Variants in CTDSPL2 observed in about 807,000 individuals in gnomAD.
CTDSPL2 encodes CTD small phosphatase like 2.
In CTDSPL2, 5 loss-of-function variants were observed where a neutral mutation model predicts 60.0. The observed-to-expected ratio is 0.08, with a 90% CI of 0.04 to 0.18. The LOEUF (loss-of-function observed/expected upper bound fraction) is 0.18, where lower values mean the gene tolerates loss of function less well. CTDSPL2 is among the 10% of genes least tolerant of loss of function. The pLI is 1.00. For missense variants in CTDSPL2, 370 were observed against 548.8 expected (o/e 0.67, Z 3.26); for synonymous variants, 186 against 189.3 (o/e 0.98, Z 0.14).
intron 2 of CTDSPL2, among the ~76,000 whole-genome samples, chr15:44,470,976 G>A (rs2080797971): frequency 6.6e-6 from 1 of 151,884 alleles, no homozygotes; most frequent in South Asian, 2.1e-4. Context: ...CCTGTTCAAA[G>A]TGTTTGTTTT....
chr15:44,481,284 C>G (rs1490955008), intron 2 of CTDSPL2, among the ~76,000 whole-genome samples: 1 of 152,204 alleles, frequency 6.6e-6, no homozygotes, highest in Non-Finnish European at 1.5e-5. Context: ...ATAGCTTCCT[C>G]TTCCGTTTTT....
chr15:44,441,548 T>C (rs1008265156), intron 1 of CTDSPL2, among the ~76,000 whole-genome samples: 6 of 152,222 alleles, frequency 3.9e-5, no homozygotes, highest in African/African-American at 1.2e-4. Flanking sequence ...CAGCAGTTTG[T>C]TAACAATTTT....
intron 5 of CTDSPL2, among the ~76,000 whole-genome samples, chr15:44,492,753 A>G (rs1450062138): frequency 6.6e-6 from 1 of 152,248 alleles, no homozygotes. Context: ...AAAATAATAC[A>G]GAATCTAACA....
intron 12 of CTDSPL2, among the ~76,000 whole-genome samples, chr15:44,521,957 A>AAC (rs1483823444): frequency 2.7e-5 from 4 of 149,534 alleles, no homozygotes; most frequent in Non-Finnish European, 6.0e-5. Context: ...AAAAAAAAAA[A>AAC]AAAAAACATG....
chr15:44,467,844 G>A (rs781693284), intron 2 of CTDSPL2, among the ~76,000 whole-genome samples: 27 of 152,134 alleles, frequency 1.8e-4, no homozygotes, highest in Non-Finnish European at 3.2e-4. Context: ...CGAAGTGCTG[G>A]GATTACAGGC....
intron 7 of CTDSPL2, 36 bp from the exon 8 acceptor site, chr15:44,499,691 A>G: frequency 2.4e-6 from 3 of 1,235,016 alleles, no homozygotes; most frequent in South Asian, 2.6e-5. Context: ...TTCTTTTACT[A>G]TCTTGTTTCA....
At chr15:44,475,810 C>T (rs537980764) in intron 2 of CTDSPL2, among the ~76,000 whole-genome samples, 1 of 152,216 alleles carries the variant, frequency 6.6e-6, no homozygotes, top group East Asian at 1.9e-4. Context: ...AAATATGTCT[C>T]ATCTATTTAA....
chr15:44,428,498 A>G (rs1217017717), intron 1 of CTDSPL2, among the ~76,000 whole-genome samples: 4 of 152,146 alleles, frequency 2.6e-5, no homozygotes, highest in Non-Finnish European at 5.9e-5. Context: ...AATCTTGTTT[A>G]TTTACTTCTC....
At chr15:44,464,119 C>T (rs1366395811) in intron 2 of CTDSPL2, among the ~76,000 whole-genome samples, 1 of 152,154 alleles carries the variant, frequency 6.6e-6, no homozygotes, top group African/African-American at 2.4e-5. Context: ...AAGCGATTCT[C>T]CTGTCTCAGC....
At chr15:44,510,509 TG>T (rs2081548515) in intron 8 of CTDSPL2, among the ~76,000 whole-genome samples, 1 of 152,212 alleles carries the variant, frequency 6.6e-6, no homozygotes, top group Non-Finnish European at 1.5e-5. Flanking sequence ...TAAAATTATT[TG>T]TACTATAAAT....
chr15:44,497,901 G>T (rs1404092307), intron 7 of CTDSPL2, among the ~76,000 whole-genome samples: 1 of 152,032 alleles, frequency 6.6e-6, no homozygotes, highest in Non-Finnish European at 1.5e-5. Context: ...GGAGGCTGAG[G>T]CACAAGAATC....
At chr15:44,462,868 G>A (rs951115088) in intron 2 of CTDSPL2, among the ~76,000 whole-genome samples, 2 of 151,594 alleles carry the variant, frequency 1.3e-5, no homozygotes, top group Non-Finnish European at 2.9e-5. Flanking sequence ...ACCATGCCCA[G>A]CTAATTTTTG....
chr15:44,457,712 A>G (rs948245495), intron 1 of CTDSPL2, among the ~76,000 whole-genome samples: 1 of 152,176 alleles, frequency 6.6e-6, no homozygotes, highest in Non-Finnish European at 1.5e-5. Flanking sequence ...CCCGGGTTCA[A>G]GCAGTTCTCC....
At chr15:44,449,142 GTAA>G (rs1440360887) in intron 1 of CTDSPL2, 1 of 310,288 alleles carries the variant, frequency 3.2e-6, no homozygotes, top group African/African-American at 2.3e-5. Context: ...AGGTGGGATA[GTAA>G]TCATTTCTGG....
At chr15:44,456,967 C>G (rs2080460702) in intron 1 of CTDSPL2, among the ~76,000 whole-genome samples, 1 of 151,120 alleles carries the variant, frequency 6.6e-6, no homozygotes, top group Non-Finnish European at 1.5e-5. Context: ...GCCTCAACCT[C>G]CTGGGCTTCA....
At chr15:44,456,804 T>C (rs2080452725) in intron 1 of CTDSPL2, among the ~76,000 whole-genome samples, 1 of 148,630 alleles carries the variant, frequency 6.7e-6, no homozygotes, top group African/African-American at 2.5e-5. Context: ...TTGTTTGCTC[T>C]TGCTTCTCTA....
chr15:44,489,855 C>G (rs1384946099), intron 4 of CTDSPL2, among the ~76,000 whole-genome samples: 1 of 152,150 alleles, frequency 6.6e-6, no homozygotes, highest in Admixed American at 6.6e-5. Context: ...CTCAAAAGAG[C>G]AGACTTTTTT....
intron 3 of CTDSPL2, among the ~76,000 whole-genome samples, chr15:44,485,654 C>G (rs1327043405): frequency 6.6e-6 from 1 of 152,192 alleles, no homozygotes; most frequent in African/African-American, 2.4e-5. Flanking sequence ...TAATAGGCTG[C>G]GGACTGGTAC....
At chr15:44,496,825 T>A (rs1261327644) in intron 6 of CTDSPL2, among the ~76,000 whole-genome samples, 3 of 152,162 alleles carry the variant, frequency 2.0e-5, no homozygotes, top group Admixed American at 6.5e-5. Context: ...AGAGTGAGAC[T>A]GTCTCAAAAA....
Sources: gnomAD v4.1 joint callset for allele counts (sites outside exome capture counted in the v4.1 genomes callset) on GRCh38, gnomAD v4.1.1 for gene constraint, MANE v1.5 for transcripts, NCBI Gene and HGNC (gene_info 2026-07-23, HGNC 2026-07-21) for gene names.